Variants in ITPR1 observed in about 807,000 individuals in gnomAD.
ITPR1 encodes the protein inositol 1,4,5-trisphosphate receptor type 1.
A neutral mutation model predicts 318.4 loss-of-function variants in ITPR1; 96 were observed. The observed-to-expected ratio is 0.30, with a 90% CI of 0.26 to 0.36. The LOEUF is 0.36. Among genes scored for constraint, ITPR1 ranks in the 10% least tolerant of loss-of-function variants. The probability of loss-of-function intolerance (pLI) is 1.00; values close to 1 mark genes in which losing one functional copy is unlikely to be tolerated. For synonymous variants in ITPR1, 1,312 were observed against 1,289.9 expected (o/e 1.02, Z -0.37); for missense variants, 2,440 against 3,460.2 (o/e 0.71, Z 7.40).
chr3:4,713,417 G>A (rs755124746), intron 39 of ITPR1, among the ~76,000 whole-genome samples: 1 of 152,192 alleles, frequency 6.6e-6, no homozygotes, highest in Non-Finnish European at 1.5e-5. Context: ...TACAAGTTGT[G>A]ATTATACATG....
intron 44 of ITPR1, among the ~76,000 whole-genome samples, chr3:4,738,600 C>G (rs1303955502): frequency 6.6e-6 from 1 of 152,220 alleles, no homozygotes; most frequent in Non-Finnish European, 1.5e-5. Flanking sequence ...GCCGCCAGCA[C>G]TGAGGCTCCT....
At chr3:4,844,209 C>T (rs2051584592) in intron 61 of ITPR1, among the ~76,000 whole-genome samples, 1 of 151,674 alleles carries the variant, frequency 6.6e-6, no homozygotes, top group African/African-American at 2.4e-5. Context: ...CAACCTCCAC[C>T]TGCCAGGATC....
chr3:4,592,902 C>G (rs1381852650), intron 4 of ITPR1, among the ~76,000 whole-genome samples: 2 of 152,236 alleles, frequency 1.3e-5, no homozygotes, highest in Admixed American at 6.5e-5. Flanking sequence ...TGGTGGGAGA[C>G]TGGTTCCCTT....
Position 4,779,488 on chromosome 3 carries a change from C to A in ITPR1, c.6292-62C>A. 1.6e-6 allele frequency: 2 copies of A among 1,231,606 alleles called. No individual in the cohort carries two copies. The highest frequency in any genetic ancestry group is 2.4e-6 in the Non-Finnish European group (2 of 835,244). 76.3% of individuals were successfully genotyped at this position (1,231,606 alleles called of 1,614,324 possible). On this transcript the variant is annotated intron_variant, in intron 48 of 61. Coordinates refer to ENST00000649015, the MANE Select transcript of ITPR1 (RefSeq NM_001378452.1). This position sits in a 1 kb window ranked among gnomAD's most constrained non-coding sequence, Gnocchi z 4.0. ...CCTCCCATGTGCCAGTTGGCACCTG[C>A]ATTCAGGCCGGGCCCCCAAGCAGCC...
intron 31 of ITPR1, 103 bp downstream of exon 31, chr3:4,688,723 A>G (rs1194197567): frequency 2.8e-6 from 3 of 1,070,560 alleles, no homozygotes; most frequent in South Asian, 1.6e-5. Context: ...GGGGCTTGTT[A>G]TAATGCAACA....
In ITPR1 at chr3:4,693,498, T is replaced by C. The variant is rs779970292; in HGVS notation, c.4038T>C (p.Asn1346=). The C allele has an allele frequency of 5.0e-6, 8 of 1,613,812 alleles. No homozygotes were observed. The highest frequency in any genetic ancestry group is 4.4e-5 in the South Asian group (4 of 91,076). ...CCCTGTTCTTTATGTAGCTGGTCAA[T>C]TCGGGAGAGGATGTCCTCGTGTTCT... ...CQDMVMAELV[N]SGEDVLVFYN... Residue 1346 remains asparagine, a synonymous_variant, in exon 33 of 62, where the codon AAT becomes AAC. Coordinates refer to ENST00000649015, the MANE Select transcript of ITPR1 (RefSeq NM_001378452.1).
chr3:4,587,698 G>A (rs1465475664), intron 4 of ITPR1, among the ~76,000 whole-genome samples: 2 of 152,170 alleles, frequency 1.3e-5, no homozygotes, highest in Non-Finnish European at 2.9e-5. Context: ...CAACCTACTG[G>A]AGGTAATTGC....
intron 55 of ITPR1, among the ~76,000 whole-genome samples, chr3:4,808,788 G>A (rs2106482441): frequency 1.3e-5 from 2 of 152,318 alleles, no homozygotes; most frequent in Middle Eastern, 6.8e-3. Context: ...TTCCAGAGTT[G>A]GGAGAGCTCC....
chr3:4,777,278 C>T lies in ITPR1; in HGVS notation c.6195C>T (p.Thr2065=), dbSNP rs1348949347. ...TCTTTGCTCAGAACTGCATAGCCAC[C>T]CATGAATCCAATGGCATTGACATCA... ...PCHENQNCIA[T]HESNGIDIIT... The change falls in exon 48 of 62, where the codon ACC becomes ACT. Residue 2065 remains threonine, a synonymous_variant. Transcript: ENST00000649015. 6.2e-7 allele frequency: 1 copy of T among 1,601,160 alleles called. No individual in the cohort carries two copies. Among genetic ancestry groups the T allele is most frequent in the South Asian group, 1.1e-5 (1 of 88,586 alleles).
chr3:4,843,405 T>G (rs148681024), intron 61 of ITPR1, among the ~76,000 whole-genome samples: 1 of 152,304 alleles, frequency 6.6e-6, no homozygotes, highest in East Asian at 1.9e-4. Flanking sequence ...ATTTTGGAGA[T>G]TATCAGTGAA....
chr3:4,604,112 G>T (rs1372602764), intron 4 of ITPR1, among the ~76,000 whole-genome samples: 2 of 152,062 alleles, frequency 1.3e-5, no homozygotes, highest in Admixed American at 1.3e-4. Flanking sequence ...TTCCTGTGTT[G>T]GTTGACCATC....
In ITPR1 at chr3:4,662,248, C is replaced by T. The variant is rs2093850197; in HGVS notation, c.1412+6C>T. Reference sequence around the variant, plus strand: ...ATCACCCAGAATGAAAGGAGGTGAGCACTCCCGCATGCTCAGCACAGCCGC... The same window carrying T: ...ATCACCCAGAATGAAAGGAGGTGAGTACTCCCGCATGCTCAGCACAGCCGC... On this transcript the variant is annotated splice_donor_region_variant and intron_variant, in intron 15 of 61. Coordinates refer to ENST00000649015, the MANE Select transcript of ITPR1 (RefSeq NM_001378452.1). 1 of 1,598,040 alleles carries T rather than the reference C, an allele frequency of 6.3e-7. No homozygotes were observed. The highest frequency in any genetic ancestry group is 8.5e-7 in the Non-Finnish European group (1 of 1,171,204).
chr3:4,502,468 A>G (rs187052259), intron 2 of ITPR1, among the ~76,000 whole-genome samples: 186 of 151,268 alleles, frequency 1.2e-3, no homozygotes, highest in African/African-American at 4.3e-3. Context: ...TTGAGAAGGA[A>G]TCTCGCTCTG....
At chr3:4,778,420 A>G (rs963860517) in intron 48 of ITPR1, among the ~76,000 whole-genome samples, 2 of 152,236 alleles carry the variant, frequency 1.3e-5, no homozygotes, top group Non-Finnish European at 2.9e-5. Context: ...GTTGAGCTGT[A>G]TTTATTGCAT....
At chr3:4,814,616 T>TGGGG in intron 58 of ITPR1, 54 bp downstream of exon 58, 2 of 1,184,256 alleles carry the variant, frequency 1.7e-6, no homozygotes, top group Non-Finnish European at 2.5e-6. Flanking sequence ...GGGTGGTTGG[T>TGGGG]GGGAGCACCA....
chr3:4,652,100 A>G (rs1272743388), intron 10 of ITPR1, 23 bp from the exon 11 acceptor site: 1 of 1,566,724 alleles, frequency 6.4e-7, no homozygotes. Context: ...CATTTCATTG[A>G]CTCCTGTTGA....
At chr3:4,515,663 T>C (rs1275511938) in intron 2 of ITPR1, among the ~76,000 whole-genome samples, 1 of 152,208 alleles carries the variant, frequency 6.6e-6, no homozygotes, top group Non-Finnish European at 1.5e-5. Flanking sequence ...TTGATATTTA[T>C]GTGTGTGTAT....
At chr3:4,778,822 A>G (rs2125392021) in intron 48 of ITPR1, among the ~76,000 whole-genome samples, 1 of 152,018 alleles carries the variant, frequency 6.6e-6, no homozygotes, top group East Asian at 1.9e-4. Context: ...AAATAAGACC[A>G]CTCTCACTGT....
intron 4 of ITPR1, among the ~76,000 whole-genome samples, chr3:4,571,737 A>C (rs1006191923): frequency 6.6e-6 from 1 of 152,174 alleles, no homozygotes; most frequent in Non-Finnish European, 1.5e-5. Context: ...TTGCTTGAAG[A>C]TTACCATAAA....
Sources: allele counts gnomAD v4.1 joint callset (sites outside exome capture counted in the v4.1 genomes callset), GRCh38; gene constraint gnomAD v4.1.1; non-coding constraint Gnocchi (gnomAD v3.1); transcripts MANE v1.5; gene names NCBI Gene and HGNC (gene_info 2026-07-23, HGNC 2026-07-21).